The following SDK1 variants were observed in gnomAD, a reference collection of about 807,000 sequenced individuals.
The protein encoded by SDK1 is sidekick cell adhesion molecule 1, also known as protein sidekick-1.
In SDK1, 157 loss-of-function variants were observed where a neutral mutation model predicts 245.5. That is an observed-to-expected ratio of 0.64 (90% CI 0.56 to 0.73). The LOEUF is 0.73. SDK1 is among the 30% of genes least tolerant of loss of function. The pLI, the probability that SDK1 is intolerant of heterozygous loss-of-function variation, is 0.00. For missense variants in SDK1, 3,583 were observed against 3,002.3 expected, an observed-to-expected ratio of 1.19 and a Z score of -4.52; for synonymous variants, 1,647 against 1,278.5, an observed-to-expected ratio of 1.29 and a Z score of -6.15.
chr7:3,375,477 ACT>A (rs1583764334), intron 1 of SDK1, among the ~76,000 whole-genome samples: 1 of 152,026 alleles, frequency 6.6e-6, no homozygotes, highest in Non-Finnish European at 1.5e-5. Context: ...CCGTGTATAG[ACT>A]CTCCTTACAT....
chr7:3,623,573 C>T (rs560136968), intron 2 of SDK1, among the ~76,000 whole-genome samples: 9 of 152,026 alleles, frequency 5.9e-5, no homozygotes, highest in Non-Finnish European at 1.3e-4. Context: ...ATGCTCATGT[C>T]TACATTTTGG....
chr7:4,241,678 T>C (rs1167072899), intron 42 of SDK1, 115 bp from the exon 43 acceptor site: 3 of 1,313,912 alleles, frequency 2.3e-6, no homozygotes, highest in Non-Finnish European at 2.1e-6. Context: ...TCCTCAGCTC[T>C]GGGCTCTGCG....
intron 4 of SDK1, among the ~76,000 whole-genome samples, chr7:3,787,649 A>G (rs1459642930): frequency 6.6e-6 from 1 of 151,802 alleles, no homozygotes; most frequent in Admixed American, 6.6e-5. Flanking sequence ...TGTTTTTTTC[A>G]GCTGGCCCGA....
In SDK1 at chr7:4,237,504, C is replaced by G. The variant is rs1038394569; in HGVS notation, c.5993-143C>G. On this transcript the variant is annotated intron_variant, in intron 41 of 44. Transcript: ENST00000404826. ...GCTTGTCCCATGGGAAAAGTCCACC[C>G]GCCCGGCTGGACATTGGTTTCATCT... is the stretch of plus-strand genomic sequence containing the variant. 1.5e-5 allele frequency: 13 copies of G among 895,866 alleles called. No homozygotes were observed. In the African/African-American group the frequency reaches 2.0e-4, roughly 14 times the overall value. 55.5% of individuals were successfully genotyped at this position (895,866 alleles called of 1,614,324 possible). A position where few individuals can be genotyped will look rare whatever the true frequency, so the allele number is the denominator to read the frequency against.
intron 1 of SDK1, among the ~76,000 whole-genome samples, chr7:3,522,079 A>G (rs556287798): frequency 6.6e-6 from 1 of 152,210 alleles, no homozygotes; most frequent in South Asian, 2.1e-4. Context: ...TACCATTTCA[A>G]AACATAGGCT....
At chr7:4,251,096 A>T (rs1175241100) in intron 44 of SDK1, among the ~76,000 whole-genome samples, 1 of 152,186 alleles carries the variant, frequency 6.6e-6, no homozygotes, top group African/African-American at 2.4e-5. Context: ...AGGGTCACTG[A>T]TATATGTTGT....
chr7:3,436,779 T>C (rs1780033856), intron 1 of SDK1, among the ~76,000 whole-genome samples: 1 of 152,170 alleles, frequency 6.6e-6, no homozygotes, highest in South Asian at 2.1e-4. Context: ...TGTCTTCCCC[T>C]TTCCCTGAAA....
At chr7:4,231,550 G>A (rs563520172) in intron 40 of SDK1, among the ~76,000 whole-genome samples, 13 of 150,056 alleles carry the variant, frequency 8.7e-5, no homozygotes, top group African/African-American at 2.9e-4. Context: ...TCCAGCCTGT[G>A]TGGACAGAGG....
intron 5 of SDK1, among the ~76,000 whole-genome samples, chr7:3,854,036 T>G (rs571214039): frequency 1.3e-5 from 2 of 152,282 alleles, no homozygotes; most frequent in South Asian, 4.1e-4. Context: ...ATTTTTAGAT[T>G]AGGGATGCTC....
At chr7:4,262,289 C>T (rs1788066782) in intron 44 of SDK1, among the ~76,000 whole-genome samples, 1 of 151,778 alleles carries the variant, frequency 6.6e-6, no homozygotes, top group African/African-American at 2.4e-5. Flanking sequence ...CTGCCGACCT[C>T]AGGTGATCCG....
intron 44 of SDK1, among the ~76,000 whole-genome samples, chr7:4,248,250 A>G (rs1469537585): frequency 6.6e-6 from 1 of 151,966 alleles, no homozygotes; most frequent in Non-Finnish European, 1.5e-5. Flanking sequence ...GCATACCTAA[A>G]TAGAACACAC....
At chr7:3,409,206 A>T (rs757247455) in intron 1 of SDK1, among the ~76,000 whole-genome samples, 1 of 151,442 alleles carries the variant, frequency 6.6e-6, no homozygotes, top group African/African-American at 2.4e-5. Flanking sequence ...GTGTTTCTAC[A>T]CTCCTTTGCC....
intron 1 of SDK1, among the ~76,000 whole-genome samples, chr7:3,325,555 C>A (rs1026164029): frequency 6.6e-6 from 1 of 151,858 alleles, no homozygotes; most frequent in African/African-American, 2.4e-5. Flanking sequence ...TCCCAGGGGC[C>A]AAAATGATGA....
chr7:4,019,930 G>A (rs1422552835), intron 17 of SDK1, among the ~76,000 whole-genome samples: 1 of 152,130 alleles, frequency 6.6e-6, no homozygotes, highest in Admixed American at 6.5e-5. Flanking sequence ...GAGGGACTCA[G>A]CCCTCCCTCT....
At chr7:3,638,597 A>G (rs1456763654) in intron 2 of SDK1, among the ~76,000 whole-genome samples, 2 of 137,692 alleles carry the variant, frequency 1.5e-5, no homozygotes, top group Non-Finnish European at 3.1e-5. Context: ...GAAAACATGG[A>G]CACAGGAAGG....
At chr7:4,055,663 T>A (rs1170456957) in intron 19 of SDK1, among the ~76,000 whole-genome samples, 2 of 152,016 alleles carry the variant, frequency 1.3e-5, no homozygotes, top group African/African-American at 2.4e-5. Flanking sequence ...ATTTCCTTCC[T>A]CTGCTTGCTT....
intron 28 of SDK1, among the ~76,000 whole-genome samples, chr7:4,145,202 G>T (rs528993725): frequency 3.6e-4 from 55 of 152,318 alleles, no homozygotes; most frequent in African/African-American, 1.3e-3. Context: ...GACGTTGCTG[G>T]GGTCCCTGGA....
chr7:3,935,579 A>G (rs1482848102), intron 5 of SDK1, among the ~76,000 whole-genome samples: 1 of 152,242 alleles, frequency 6.6e-6, no homozygotes, highest in African/African-American at 2.4e-5. Flanking sequence ...TGGAATAGGC[A>G]TTTCTCCAAA....
intron 4 of SDK1, among the ~76,000 whole-genome samples, chr7:3,686,833 G>C (rs1163091705): frequency 6.6e-6 from 1 of 152,160 alleles, no homozygotes; most frequent in African/African-American, 2.4e-5. Flanking sequence ...CTGTGGATTG[G>C]AGAGTTGGAA....
Sources: allele counts gnomAD v4.1 joint callset (sites outside exome capture counted in the v4.1 genomes callset), GRCh38; gene constraint gnomAD v4.1.1; transcripts MANE v1.5; gene names NCBI Gene and HGNC (gene_info 2026-07-23, HGNC 2026-07-21).